Variants in ANKIB1 observed in about 807,000 individuals in gnomAD.
ANKIB1 encodes ankyrin repeat and IBR domain-containing protein 1.
In ANKIB1, 43 loss-of-function variants were observed where a neutral mutation model predicts 122.1. The ratio of observed to expected loss-of-function variants is 0.35; its 90% CI spans 0.28 to 0.45. ANKIB1 has a LOEUF of 0.45. Ranked by LOEUF, ANKIB1 falls within the 20% of genes least tolerant of loss-of-function variation. The probability of loss-of-function intolerance (pLI) is 1.00; values close to 1 mark genes in which losing one functional copy is unlikely to be tolerated. For missense variants in ANKIB1, 992 were observed against 1,329.5 expected, an observed-to-expected ratio of 0.75 and a Z score of 3.95; for synonymous variants, 390 against 442.0, an observed-to-expected ratio of 0.88 and a Z score of 1.48.
intron 4 of ANKIB1, among the ~76,000 whole-genome samples, chr7:92,324,659 T>A (rs192982822): frequency 2.6e-5 from 4 of 152,382 alleles, no homozygotes; most frequent in Admixed American, 6.5e-5. Context: ...GCTGTGTGAT[T>A]ATATTAAGTC....
intron 19 of ANKIB1, 95 bp downstream of exon 19, chr7:92,397,954 C>T: frequency 1.4e-6 from 2 of 1,453,234 alleles, no homozygotes; most frequent in Non-Finnish European, 1.8e-6. Context: ...CCTATTTCTT[C>T]CTTCCATTCT....
chr7:92,270,668 G>A (rs919645323), intron 1 of ANKIB1, among the ~76,000 whole-genome samples: 2 of 149,930 alleles, frequency 1.3e-5, no homozygotes, highest in African/African-American at 2.5e-5. Context: ...TCCCTGTATA[G>A]TCGTACCCTC....
Position 92,398,354 on chromosome 7 carries a change from T to A in ANKIB1, c.2675T>A (p.Leu892Ter). The A allele has an allele frequency of 6.2e-7, 1 of 1,613,474 alleles. No homozygotes were observed. Among genetic ancestry groups the A allele is most frequent in the Non-Finnish European group, 8.5e-7 (1 of 1,179,674 alleles). The part of the protein sequence containing the change: ...EASLGAIGTS[L>*]PSRLDSVPRN... ...TCCTTAGGTGCGATAGGCACTTCTT[T>A]ACCTTCCAGGCTGGACTCTGTCCCC... Residue 892 changes from leucine to a stop codon, truncating the protein, a stop_gained, in exon 20 of 20, where the codon TTA becomes TAA. Transcript: ENST00000265742. LOFTEE classifies it high-confidence loss of function.
intron 1 of ANKIB1, among the ~76,000 whole-genome samples, chr7:92,267,979 A>T (rs1189065182): frequency 6.6e-6 from 1 of 152,200 alleles, no homozygotes; most frequent in African/African-American, 2.4e-5. Context: ...GCTTCTAAAG[A>T]TGTGTACTTT....
chr7:92,304,513 G>T (rs1482990630), intron 2 of ANKIB1, among the ~76,000 whole-genome samples: 1 of 152,006 alleles, frequency 6.6e-6, no homozygotes, highest in Non-Finnish European at 1.5e-5. Flanking sequence ...AAATTTCTTT[G>T]TGATAAGAAC....
intron 3 of ANKIB1, among the ~76,000 whole-genome samples, chr7:92,312,117 G>A (rs151260266): frequency 1.3e-5 from 2 of 152,160 alleles, no homozygotes; most frequent in South Asian, 2.1e-4. Flanking sequence ...CCATGGCAGA[G>A]TAGACCTCTG....
At chr7:92,338,269 A>T (rs1371589566) in intron 5 of ANKIB1, among the ~76,000 whole-genome samples, 2 of 151,564 alleles carry the variant, frequency 1.3e-5, no homozygotes, top group Non-Finnish European at 2.9e-5. Context: ...AAAAAAAAAA[A>T]ATCTGGGCAT....
At position 92,291,103 on chromosome 7, in the gene ANKIB1, G is replaced by A. The variant is rs1375402715; in HGVS notation, c.-90-3786G>A. Among the ~76,000 whole-genome samples, 3 of 152,230 alleles carry A rather than the reference G, an allele frequency of 2.0e-5. No individual in the cohort carries two copies. The East Asian group carries it at 5.8e-4, about 29-fold the overall frequency. On this transcript the variant is annotated intron_variant, in intron 1 of 19. Transcript: ENST00000265742. ...GAAGTCAGGAGTTCGAGACCAGCCT[G>A]GCCAAAATGGCGAAACCCCGTCTCT...
chr7:92,351,031 G>A lies in ANKIB1; in HGVS notation c.1167G>A (p.Val389=). The A allele has an allele frequency of 1.3e-6, 2 of 1,599,330 alleles. No homozygotes were observed. The highest frequency in any genetic ancestry group is 2.7e-5 in the African/African-American group (2 of 74,886). The change falls in exon 8 of 20, where the codon GTG becomes GTA. Residue 389 remains valine, a synonymous_variant. Transcript: ENST00000265742. ...ATGATTGCTTCCAACTTGTACCTGTGGATATCATAGAAAGTGTAGTTTCAA... is the reference window on the plus strand; with the variant it reads ...ATGATTGCTTCCAACTTGTACCTGTAGATATCATAGAAAGTGTAGTTTCAA... ...PAYDCFQLVP[V]DIIESVVSKE... is the part of the protein sequence containing the mutation.
intron 4 of ANKIB1, chr7:92,326,051 C>T: frequency 2.7e-6 from 1 of 374,314 alleles, no homozygotes; most frequent in Non-Finnish European, 5.2e-6. Flanking sequence ...AAGTAGTGCC[C>T]ACTTGGGACT....
chr7:92,388,083 C>T (rs1438655862), intron 14 of ANKIB1, 42 bp downstream of exon 14: 1 of 1,496,662 alleles, frequency 6.7e-7, no homozygotes, highest in Non-Finnish European at 9.1e-7. Flanking sequence ...TATAAAATAT[C>T]TTTCCATGCT....
intron 1 of ANKIB1, among the ~76,000 whole-genome samples, chr7:92,264,536 T>C (rs1042923466): frequency 3.9e-5 from 6 of 152,104 alleles, no homozygotes; most frequent in African/African-American, 1.4e-4. Context: ...TAGGTGGGAC[T>C]ATAGGTGCGT....
chr7:92,294,963 A>G lies in ANKIB1; in HGVS notation c.-16A>G, dbSNP rs556764282. 10 of 1,572,486 alleles carry G rather than the reference A, an allele frequency of 6.4e-6. No individual in the cohort carries two copies. In the Admixed American group the frequency reaches 7.3e-5, roughly 11 times the overall value. On this transcript the variant is annotated 5_prime_UTR_variant, in exon 2 of 20. Coordinates refer to ENST00000265742, the MANE Select transcript of ANKIB1 (RefSeq NM_019004.2). Reference sequence around the variant, plus strand: ...GAAAAAAGTGCCACTGCCTATCAGAAAAAACAAAACAAAACATGGGAAATA... The same window carrying G: ...GAAAAAAGTGCCACTGCCTATCAGAGAAAACAAAACAAAACATGGGAAATA...
intron 1 of ANKIB1, among the ~76,000 whole-genome samples, chr7:92,268,675 C>T (rs1801722751): frequency 6.6e-6 from 1 of 152,154 alleles, no homozygotes; most frequent in Non-Finnish European, 1.5e-5. Flanking sequence ...CAGCTTTCAC[C>T]ATGTTGCCCA....
chr7:92,303,140 G>A (rs905411189), intron 2 of ANKIB1, among the ~76,000 whole-genome samples: 2 of 152,154 alleles, frequency 1.3e-5, no homozygotes, highest in African/African-American at 2.4e-5. Flanking sequence ...TAGGATGATA[G>A]AGCATTAAGA....
At chr7:92,293,356 ATTG>A (rs1224793267) in intron 1 of ANKIB1, among the ~76,000 whole-genome samples, 3 of 151,998 alleles carry the variant, frequency 2.0e-5, no homozygotes, top group Non-Finnish European at 4.4e-5. Context: ...TGTTGTTGTT[ATTG>A]TTGTTGTTTG....
At chr7:92,368,379 C>T (rs1461011786) in intron 10 of ANKIB1, among the ~76,000 whole-genome samples, 1 of 151,132 alleles carries the variant, frequency 6.6e-6, no homozygotes, top group African/African-American at 2.4e-5. Flanking sequence ...GAAAAAATCT[C>T]ACCAGATAGA....
At chr7:92,304,246 T>A (rs920791888) in intron 2 of ANKIB1, among the ~76,000 whole-genome samples, 3 of 152,162 alleles carry the variant, frequency 2.0e-5, no homozygotes, top group Non-Finnish European at 4.4e-5. Flanking sequence ...TTATGAATAG[T>A]TTTAGCATAA....
intron 5 of ANKIB1, among the ~76,000 whole-genome samples, chr7:92,337,840 A>G (rs1378565942): frequency 6.6e-6 from 1 of 152,196 alleles, no homozygotes; most frequent in Non-Finnish European, 1.5e-5. Context: ...TTATTTATTG[A>G]AATCTAAGTT....
Sources: gnomAD v4.1 joint callset for allele counts (sites outside exome capture counted in the v4.1 genomes callset) on GRCh38, gnomAD v4.1.1 for gene constraint, MANE v1.5 for transcripts, NCBI Gene and HGNC (gene_info 2026-07-23, HGNC 2026-07-21) for gene names.